FRMD6: variants seen among roughly 807,000 people sequenced by gnomAD.
The protein encoded by FRMD6 is FERM domain-containing protein 6.
In FRMD6, 37 loss-of-function variants were observed where a neutral mutation model predicts 73.2. That is an observed-to-expected ratio of 0.51 (90% CI 0.39 to 0.66). The LOEUF is 0.66. FRMD6 is among the 30% of genes least tolerant of loss of function. The probability of loss-of-function intolerance (pLI) is 0.00; values close to 1 mark genes in which losing one functional copy is unlikely to be tolerated. For missense variants in FRMD6, 714 were observed against 780.5 expected, an observed-to-expected ratio of 0.91 and a Z score of 1.02; for synonymous variants, 273 against 282.2, an observed-to-expected ratio of 0.97 and a Z score of 0.33.
the FRMD6 span, among the ~76,000 whole-genome samples, chr14:51,468,310 AG>A: frequency 2.5e-4 from 1 of 4,080 alleles, no homozygotes; most frequent in Non-Finnish European, 4.8e-4. Context: ...GGAGAGGGGG[AG>A]GGGGAGGGAG....
the FRMD6 span, among the ~76,000 whole-genome samples, chr14:51,416,017 A>G: frequency 1.2e-4 from 18 of 151,956 alleles, no homozygotes; most frequent in African/African-American, 4.4e-4. Context: ...ATCATTTTTT[A>G]TTGCATCTAT....
intron 2 of FRMD6, among the ~76,000 whole-genome samples, chr14:51,696,753 A>AC (rs1895964895): frequency 6.8e-6 from 1 of 147,490 alleles, no homozygotes; most frequent in Admixed American, 6.8e-5. Context: ...TGTCTCTACA[A>AC]AAAAAAAAAA....
chr14:51,599,610 A>G (rs1211151239), intron 2 of FRMD6, among the ~76,000 whole-genome samples: 1 of 152,206 alleles, frequency 6.6e-6, no homozygotes, highest in Non-Finnish European at 1.5e-5. Context: ...AAGGTCTAAT[A>G]TCTAGAATTC....
chr14:51,519,578 A>G (rs1239123835), intron 1 of FRMD6, among the ~76,000 whole-genome samples: 1 of 152,234 alleles, frequency 6.6e-6, no homozygotes, highest in African/African-American at 2.4e-5. Context: ...AAGAAGCTTG[A>G]GTTTTTTAAC....
chr14:51,713,701 ATTACT>A (rs1349599055), intron 9 of FRMD6: 1 of 152,150 alleles, frequency 6.6e-6, no homozygotes, highest in African/African-American at 2.4e-5. Flanking sequence ...CTGACTTCAC[ATTACT>A]TTAATTACTT....
chr14:51,481,142 T>C, the FRMD6 span, among the ~76,000 whole-genome samples: 1 of 152,202 alleles, frequency 6.6e-6, no homozygotes, highest in African/African-American at 2.4e-5. Flanking sequence ...GTGATGCAGG[T>C]TTCATACTTA....
At chr14:51,589,689 C>T (rs775370001) in intron 2 of FRMD6, among the ~76,000 whole-genome samples, 1 of 151,888 alleles carries the variant, frequency 6.6e-6, no homozygotes, top group East Asian at 1.9e-4. Context: ...GTTAGCTGTG[C>T]ATAACCAACT....
rs572050087 is a variant in FRMD6 at position 51,692,111 on chromosome 14, A to G, written c.99+2176A>G. The stretch of plus-strand genomic sequence containing the variant: ...CTTCTAGGGATTGTCTGAGGATCCA[A>G]CAGGCCTGCCTATTGGATGAACTTT... On this transcript the variant is annotated intron_variant, in intron 2 of 13. Transcript: ENST00000344768. Among the ~76,000 whole-genome samples the G allele has an allele frequency of 5.2e-4, 79 of 152,268 alleles. 1 individual carries two copies. Among genetic ancestry groups the G allele is most frequent in the Middle Eastern group, 6.8e-3 (2 of 294 alleles).
the FRMD6 span, among the ~76,000 whole-genome samples, chr14:51,453,484 A>C: frequency 6.2e-4 from 95 of 152,248 alleles, 1 homozygote; most frequent in Non-Finnish European, 1.1e-3. Flanking sequence ...ACTTTTAAGA[A>C]GAATGATAAT....
At chr14:51,712,587 C>T in intron 9 of FRMD6, 36 bp downstream of exon 9, 2 of 1,276,284 alleles carry the variant, frequency 1.6e-6, no homozygotes, top group Non-Finnish European at 2.3e-6. Flanking sequence ...AGAAAAGTCT[C>T]ATTAATTGCT....
intron 2 of FRMD6, among the ~76,000 whole-genome samples, chr14:51,571,448 A>G (rs1010572715): frequency 2.6e-5 from 4 of 152,226 alleles, no homozygotes; most frequent in African/African-American, 9.6e-5. Flanking sequence ...ACTATCCAGT[A>G]TCACCAATTC....
At chr14:51,403,780 T>C in the FRMD6 span, among the ~76,000 whole-genome samples, 1 of 152,258 alleles carries the variant, frequency 6.6e-6, no homozygotes, top group Non-Finnish European at 1.5e-5. Flanking sequence ...CATTTTATTG[T>C]TATATAAAAT....
intron 2 of FRMD6, among the ~76,000 whole-genome samples, chr14:51,621,598 G>T (rs1890929458): frequency 6.6e-6 from 1 of 152,180 alleles, no homozygotes; most frequent in African/African-American, 2.4e-5. Context: ...TACTGGATTA[G>T]ATGGTATTGC....
the FRMD6 span, among the ~76,000 whole-genome samples, chr14:51,404,767 T>A: frequency 6.6e-6 from 1 of 152,236 alleles, no homozygotes; most frequent in African/African-American, 2.4e-5. Context: ...ACTATATTAA[T>A]AATTCTTTTT....
At chr14:51,656,423 T>C (rs1460164520) in intron 1 of FRMD6, among the ~76,000 whole-genome samples, 1 of 151,646 alleles carries the variant, frequency 6.6e-6, no homozygotes, top group Non-Finnish European at 1.5e-5. Context: ...TTTTCTTTTT[T>C]TTTTTTCTGA....
Position 51,609,627 on chromosome 14 carries a change from C to T in FRMD6, c.-147+39217C>T, listed in dbSNP as rs1890406875. 2.6e-5 allele frequency among the ~76,000 whole-genome samples: 4 copies of T among 152,110 alleles called. No individual in the cohort carries two copies. In the South Asian group the frequency reaches 8.3e-4, roughly 32 times the overall value. On this transcript the variant is annotated intron_variant, in intron 2 of 14. Transcript: ENST00000356218. ...GTTCAATCAGAGAGAGATTAAAGAG[C>T]TTATAGCATGTTTGAGATGGGATGA...
At chr14:51,430,953 T>C in the FRMD6 span, among the ~76,000 whole-genome samples, 1 of 152,210 alleles carries the variant, frequency 6.6e-6, no homozygotes, top group Admixed American at 6.5e-5. Context: ...TTTAATATGT[T>C]AGTAAGGACA....
chr14:51,444,348 G>A, the FRMD6 span, among the ~76,000 whole-genome samples: 1 of 152,206 alleles, frequency 6.6e-6, no homozygotes, highest in Non-Finnish European at 1.5e-5. Flanking sequence ...TTTGTCTCTT[G>A]AGGACTACCT....
chr14:51,444,091 G>A, the FRMD6 span, among the ~76,000 whole-genome samples: 1 of 152,144 alleles, frequency 6.6e-6, no homozygotes, highest in Non-Finnish European at 1.5e-5. Context: ...ACCAAGCCTG[G>A]CTAATTTTTG....
Sources: gnomAD v4.1 joint callset for allele counts (sites outside exome capture counted in the v4.1 genomes callset) on GRCh38, gnomAD v4.1.1 for gene constraint, MANE v1.5 for transcripts, NCBI Gene and HGNC (gene_info 2026-07-23, HGNC 2026-07-21) for gene names.